Variants in COG5 observed in about 807,000 individuals in gnomAD.
COG5 encodes component of oligomeric golgi complex 5.
Under a neutral mutation model 110.4 loss-of-function variants are expected in COG5, and 86 were observed. The ratio of observed to expected loss-of-function variants is 0.78; its 90% CI spans 0.65 to 0.93. COG5 has a LOEUF of 0.93. COG5 is among the 40% of genes least tolerant of loss of function. The probability of loss-of-function intolerance (pLI) is 0.00; values close to 1 mark genes in which losing one functional copy is unlikely to be tolerated. For synonymous variants in COG5, 360 were observed against 334.6 expected (o/e 1.08, Z -0.83); for missense variants, 1,077 against 987.0 (o/e 1.09, Z -1.22).
intron 11 of COG5, among the ~76,000 whole-genome samples, chr7:107,308,900 T>C (rs1017674627): frequency 6.9e-6 from 1 of 144,336 alleles, no homozygotes; most frequent in Non-Finnish European, 1.5e-5. Context: ...ACAACCCCAG[T>C]AGTCTCTGAT....
intron 7 of COG5, among the ~76,000 whole-genome samples, chr7:107,386,545 G>A (rs1421019693): frequency 3.3e-5 from 5 of 152,124 alleles, no homozygotes; most frequent in African/African-American, 7.2e-5. Flanking sequence ...GTGCCCACTC[G>A]GGATCTCCAA....
intron 7 of COG5, among the ~76,000 whole-genome samples, chr7:107,387,562 TTC>T (rs893097781): frequency 4.3e-4 from 66 of 152,400 alleles, no homozygotes; most frequent in African/African-American, 1.4e-3. Context: ...ATGGCCACTG[TTC>T]TCTCTCTTAC....
chr7:107,539,062 G>A (rs1433748798), intron 5 of COG5, among the ~76,000 whole-genome samples: 3 of 152,096 alleles, frequency 2.0e-5, no homozygotes, highest in Admixed American at 1.3e-4. Context: ...TGGATCACTT[G>A]AGTCCAGAAG....
intron 6 of COG5, among the ~76,000 whole-genome samples, chr7:107,453,535 G>T (rs1304539734): frequency 6.6e-6 from 1 of 152,122 alleles, no homozygotes; most frequent in African/African-American, 2.4e-5. Context: ...TAACGAGGAA[G>T]AACAGTCAAA....
chr7:107,441,358 G>A (rs1474608331), intron 6 of COG5, among the ~76,000 whole-genome samples: 1 of 151,984 alleles, frequency 6.6e-6, no homozygotes, highest in Non-Finnish European at 1.5e-5. Context: ...TGATAACCTG[G>A]GACTTATAAC....
At chr7:107,245,682 A>G (rs561818874) in intron 17 of COG5, among the ~76,000 whole-genome samples, 3 of 152,316 alleles carry the variant, frequency 2.0e-5, no homozygotes, top group African/African-American at 7.2e-5. Context: ...CTACAATGAG[A>G]ACTACAAAAC....
chr7:107,309,403 C>T (rs776736496), intron 11 of COG5, among the ~76,000 whole-genome samples: 6 of 151,994 alleles, frequency 3.9e-5, no homozygotes, highest in Non-Finnish European at 7.4e-5. Flanking sequence ...TTTAGGGATC[C>T]ATCTCAACAG....
intron 10 of COG5, among the ~76,000 whole-genome samples, chr7:107,332,873 C>T (rs575854084): frequency 2.6e-4 from 40 of 151,982 alleles, no homozygotes; most frequent in South Asian, 1.7e-3. Flanking sequence ...AAGTTGATAC[C>T]GGAGAAAACC....
chr7:107,203,470 A>G lies in COG5; in HGVS notation c.*46T>C, dbSNP rs1202920356. 4.6e-6 allele frequency: 6 copies of G among 1,294,234 alleles called. No individual in the cohort carries two copies. Among genetic ancestry groups the G allele is most frequent in the Non-Finnish European group, 5.6e-6 (5 of 888,306 alleles). 80.2% of individuals were successfully genotyped at this position (1,294,234 alleles called of 1,614,324 possible). On this transcript the variant is annotated 3_prime_UTR_variant, in exon 22 of 22. Coordinates refer to ENST00000297135, the MANE Select transcript of COG5 (RefSeq NM_006348.5). ...TGGAGTATGTGTTTAACTGCCAACT[A>G]TGAATGGGTTAGCACAAAGTGGAGA...
At chr7:107,288,236 C>A (rs192832422) in intron 12 of COG5, among the ~76,000 whole-genome samples, 106 of 152,168 alleles carry the variant, frequency 7.0e-4, no homozygotes, top group Non-Finnish European at 1.2e-3. Context: ...TGGGAGTGCA[C>A]GCCTGTAATC....
chr7:107,519,444 A>G (rs1235425620), intron 6 of COG5, among the ~76,000 whole-genome samples: 2 of 152,206 alleles, frequency 1.3e-5, no homozygotes, highest in African/African-American at 4.8e-5. Flanking sequence ...AGACACAATA[A>G]AAAATGATAA....
At chr7:107,434,210 T>C (rs1027762250) in intron 6 of COG5, among the ~76,000 whole-genome samples, 4 of 152,190 alleles carry the variant, frequency 2.6e-5, no homozygotes, top group Non-Finnish European at 4.4e-5. Context: ...CCTTTGTGCA[T>C]TGTGTCTAGA....
At chr7:107,438,672 C>T (rs1224503052) in intron 6 of COG5, among the ~76,000 whole-genome samples, 1 of 152,134 alleles carries the variant, frequency 6.6e-6, no homozygotes, top group Non-Finnish European at 1.5e-5. Context: ...TACTGTTAAG[C>T]TACTGTATGG....
intron 12 of COG5, among the ~76,000 whole-genome samples, chr7:107,291,763 T>C (rs894345324): frequency 6.6e-6 from 1 of 152,224 alleles, no homozygotes; most frequent in Admixed American, 6.5e-5. Context: ...ATGTTTGATA[T>C]CTGCTCTGAT....
In COG5 at chr7:107,563,800, T is replaced by A. The variant is rs374535796; in HGVS notation, c.94+3A>T. On this transcript the variant is annotated splice_donor_region_variant and intron_variant, in intron 1 of 21. Coordinates refer to ENST00000297135, the MANE Select transcript of COG5 (RefSeq NM_006348.5). ...ACGACCTGGTCAGACCCCGTCTCCT[T>A]ACCGTCCTGCAGAAGTTCCCGGACT... 7.4e-6 allele frequency: 12 copies of A among 1,613,728 alleles called. No individual in the cohort carries two copies. The highest frequency in any genetic ancestry group is 1.0e-5 in the Non-Finnish European group (12 of 1,179,858).
chr7:107,502,816 T>C (rs192224891), intron 6 of COG5, among the ~76,000 whole-genome samples: 2 of 152,208 alleles, frequency 1.3e-5, no homozygotes, highest in Admixed American at 1.3e-4. Flanking sequence ...ATATCTTCTT[T>C]TGAGAAATGT....
intron 10 of COG5, among the ~76,000 whole-genome samples, chr7:107,351,737 A>T (rs1812160227): frequency 1.3e-5 from 2 of 151,922 alleles, no homozygotes; most frequent in Admixed American, 1.3e-4. Context: ...TCATCAGAGA[A>T]ATGCAAATCA....
chr7:107,461,291 AC>A (rs1279466805), intron 6 of COG5, among the ~76,000 whole-genome samples: 1 of 152,192 alleles, frequency 6.6e-6, no homozygotes, highest in Non-Finnish European at 1.5e-5. Flanking sequence ...CATTAAAAAA[AC>A]AAATCCATGT....
intron 7 of COG5, among the ~76,000 whole-genome samples, chr7:107,395,606 G>A (rs985538835): frequency 1.6e-5 from 2 of 123,760 alleles, no homozygotes; most frequent in Non-Finnish European, 3.2e-5. Flanking sequence ...CCAGGCTGGA[G>A]TACAGTGGCA....
Sources: allele counts gnomAD v4.1 joint callset (sites outside exome capture counted in the v4.1 genomes callset), GRCh38; gene constraint gnomAD v4.1.1; transcripts MANE v1.5; gene names NCBI Gene and HGNC (gene_info 2026-07-23, HGNC 2026-07-21).